Variants in USP28 observed in about 807,000 individuals in gnomAD.
USP28 encodes the protein ubiquitin carboxyl-terminal hydrolase 28.
Under a neutral mutation model 145.0 loss-of-function variants are expected in USP28, and 113 were observed. That is an observed-to-expected ratio of 0.78 (90% CI 0.67 to 0.91). The LOEUF (loss-of-function observed/expected upper bound fraction) is 0.91. USP28 is among the 40% of genes least tolerant of loss of function. USP28 has a pLI of 0.00. For synonymous variants in USP28, 447 were observed against 450.9 expected (o/e 0.99, Z 0.11); for missense variants, 1,201 against 1,289.6 (o/e 0.93, Z 1.05).
intron 13 of USP28, 151 bp from the exon 14 acceptor site, chr11:113,815,533 T>G: frequency 1.0e-5 from 7 of 686,398 alleles, no homozygotes; most frequent in East Asian, 2.7e-5. Context: ...CCTTTTTCTC[T>G]ATCATCTCAC....
intron 3 of USP28, among the ~76,000 whole-genome samples, chr11:113,845,063 T>C (rs1194829812): frequency 2.7e-5 from 4 of 149,740 alleles, no homozygotes; most frequent in Non-Finnish European, 5.9e-5. Context: ...AAGGCTGCAG[T>C]GAGCCCTGTT....
At chr11:113,856,011 G>A (rs184975836) in intron 1 of USP28, among the ~76,000 whole-genome samples, 3 of 152,318 alleles carry the variant, frequency 2.0e-5, no homozygotes, top group African/African-American at 7.2e-5. Context: ...ACCCTGCTGA[G>A]ACCAGCAGAC....
chr11:113,807,801 G>A (rs762845335), intron 18 of USP28, 150 bp downstream of exon 19: 36 of 353,986 alleles, frequency 1.0e-4, no homozygotes, highest in Non-Finnish European at 1.4e-4. Context: ...TTAAATAATG[G>A]TAACTAAGGT....
At chr11:113,870,094 G>A (rs1483794039) in intron 1 of USP28, among the ~76,000 whole-genome samples, 3 of 152,120 alleles carry the variant, frequency 2.0e-5, no homozygotes, top group Non-Finnish European at 2.9e-5. Context: ...CCCAGGAGGC[G>A]GAGGATGCAG....
Position 113,815,132 on chromosome 11 carries a change from A to G in USP28, c.1672+42T>C, listed in dbSNP as rs1280377214. ...CTTAACCTCCAAATAGTCAAAAAACAGAAAAAGCAAAGAGTAACTGACAAA... is the reference window on the plus strand; with the variant it reads ...CTTAACCTCCAAATAGTCAAAAAACGGAAAAAGCAAAGAGTAACTGACAAA... On this transcript the variant is annotated intron_variant, in intron 14 of 24. Coordinates refer to ENST00000003302, the Ensembl canonical transcript of USP28. The G allele has an allele frequency of 2.5e-6, 4 of 1,583,046 alleles. No individual in the cohort carries two copies. The South Asian group carries it at 4.5e-5, about 18-fold the overall frequency.
At chr11:113,850,734 A>G (rs1946361765) in intron 3 of USP28, among the ~76,000 whole-genome samples, 1 of 152,136 alleles carries the variant, frequency 6.6e-6, no homozygotes. Flanking sequence ...CCAGTGCTTA[A>G]GCTGCAGAAC....
At chr11:113,864,622 T>C (rs1439885415) in intron 1 of USP28, among the ~76,000 whole-genome samples, 1 of 152,184 alleles carries the variant, frequency 6.6e-6, no homozygotes, top group Non-Finnish European at 1.5e-5. Flanking sequence ...CCAGCTCAAG[T>C]AGTCAGGCAA....
Position 113,799,800 on chromosome 11 carries a change from A to T in USP28, c.3059-385T>A, listed in dbSNP as rs188196654. On this transcript the variant is annotated intron_variant, in intron 24 of 24. Transcript: ENST00000003302. ...CAGTCTTTTGGCTTCCCTGGGCCAC[A>T]CATGAACCTCACTAACAATAGCTGA... Among the ~76,000 whole-genome samples, 114 of 152,306 alleles carry T rather than the reference A, an allele frequency of 7.5e-4. 1 individual carries two copies. Among genetic ancestry groups the T allele is most frequent in the Non-Finnish European group, 1.2e-3 (81 of 68,034 alleles).
intron 13 of USP28, among the ~76,000 whole-genome samples, chr11:113,816,335 T>A (rs1254127821): frequency 6.6e-6 from 1 of 152,028 alleles, no homozygotes. Context: ...GCCAACATGG[T>A]GAAACCCCAT....
chr11:113,873,388 A>G (rs1482327850), intron 1 of USP28, among the ~76,000 whole-genome samples: 2 of 152,222 alleles, frequency 1.3e-5, no homozygotes, highest in Non-Finnish European at 2.9e-5. Flanking sequence ...CAGGAATCGG[A>G]GTACTCCAGC....
At chr11:113,854,830 G>A (rs1336342700) in intron 1 of USP28, among the ~76,000 whole-genome samples, 3 of 152,176 alleles carry the variant, frequency 2.0e-5, no homozygotes, top group Admixed American at 6.5e-5. Context: ...TGGTACTTAC[G>A]AAAGAAATAG....
rs573786071 is a variant in USP28 at position 113,816,189 on chromosome 11, G to A, written c.1464-807C>T. 5.9e-5 allele frequency among the ~76,000 whole-genome samples: 9 copies of A among 152,186 alleles called. No homozygotes were observed. The East Asian group carries it at 1.5e-3, about 26-fold the overall frequency. ...GTTTCTCTTTTACACCAAAGCTGAAGAATATAAACTTCCTTTACTTTGACT... is the reference window on the plus strand; with the variant it reads ...GTTTCTCTTTTACACCAAAGCTGAAAAATATAAACTTCCTTTACTTTGACT... On this transcript the variant is annotated intron_variant, in intron 13 of 24. Transcript: ENST00000003302.
intron 3 of USP28, among the ~76,000 whole-genome samples, chr11:113,850,239 CA>C (rs1161385811): frequency 1.3e-5 from 2 of 152,012 alleles, no homozygotes; most frequent in African/African-American, 2.4e-5. Context: ...TAATACCTAC[CA>C]ACTACATCAC....
exon 20 of USP28, chr11:113,804,928 C>T (rs1340697702): frequency 6.2e-7 from 1 of 1,614,208 alleles, no homozygotes; most frequent in Non-Finnish European, 8.5e-7. Context: ...TTCTACTACC[C>T]TTTTGGGTGC....
At chr11:113,808,872 C>G (rs1328109820) in intron 17 of USP28, among the ~76,000 whole-genome samples, 191 bp downstream of exon 17, 2 of 152,228 alleles carry the variant, frequency 1.3e-5, no homozygotes, top group Non-Finnish European at 2.9e-5. Context: ...TCTGATACTG[C>G]TTCTGTTCAT....
At chr11:113,871,787 T>C (rs1249078468) in intron 1 of USP28, among the ~76,000 whole-genome samples, 1 of 152,154 alleles carries the variant, frequency 6.6e-6, no homozygotes, top group African/African-American at 2.4e-5. Flanking sequence ...AGAAAGACTG[T>C]AGGGAGGACT....
intron 3 of USP28, among the ~76,000 whole-genome samples, chr11:113,846,359 T>C (rs1945848660): frequency 6.6e-6 from 1 of 152,214 alleles, no homozygotes; most frequent in African/African-American, 2.4e-5. Context: ...TGTCACATGC[T>C]ACAACATGGA....
intron 13 of USP28, 97 bp downstream of exon 13, chr11:113,817,561 C>T: frequency 7.1e-7 from 1 of 1,401,074 alleles, no homozygotes; most frequent in Non-Finnish European, 9.7e-7. Flanking sequence ...CTCCTGTGCT[C>T]TTATAGGTGA....
At chr11:113,811,491 C>T (rs558528476) in intron 16 of USP28, among the ~76,000 whole-genome samples, 14 of 152,256 alleles carry the variant, frequency 9.2e-5, no homozygotes, top group African/African-American at 3.1e-4. Context: ...AGTTCAAAAA[C>T]ACCCTGGCCA....
Sources: allele counts gnomAD v4.1 joint callset (sites outside exome capture counted in the v4.1 genomes callset), GRCh38; gene constraint gnomAD v4.1.1; transcripts MANE v1.5; gene names NCBI Gene and HGNC (gene_info 2026-07-23, HGNC 2026-07-21).